Variants in DOCK3 observed in about 807,000 individuals in gnomAD.
DOCK3 encodes dedicator of cytokinesis protein 3.
Under a neutral mutation model 265.6 loss-of-function variants are expected in DOCK3, and 60 were observed. That is an observed-to-expected ratio of 0.23 (90% CI 0.18 to 0.28). The LOEUF is 0.28. Ranked by LOEUF, DOCK3 falls within the 10% of genes least tolerant of loss-of-function variation. DOCK3 has a pLI of 1.00. For missense variants in DOCK3, 1,981 were observed against 2,594.3 expected, an observed-to-expected ratio of 0.76 and a Z score of 5.14; for synonymous variants, 881 against 938.0, an observed-to-expected ratio of 0.94 and a Z score of 1.11.
intron 5 of DOCK3, among the ~76,000 whole-genome samples, chr3:51,040,100 T>C (rs1182941016): frequency 6.6e-6 from 1 of 152,102 alleles, no homozygotes; most frequent in Non-Finnish European, 1.5e-5. Context: ...CTATACCACC[T>C]ACTAATCAAT....
rs782084449 is a variant in DOCK3 at position 51,381,325 on chromosome 3, C to G, written c.5859C>G (p.Cys1953Trp). 1 of 1,613,468 alleles carries G rather than the reference C, an allele frequency of 6.2e-7. No homozygotes were observed. The highest frequency in any genetic ancestry group is 8.5e-7 in the Non-Finnish European group (1 of 1,179,896). The change falls in exon 53 of 53, where the codon TGC becomes TGG. Residue 1953 changes from cysteine to tryptophan, a missense_variant. By Grantham distance (215) the Cys-to-Trp change is radical (BLOSUM62 -2). Transcript: ENST00000266037. The surrounding 1 kb of genome is among the most constrained non-coding windows in gnomAD (Gnocchi z 5.6). ...AVLDSIKAQP[C>W]RSHSAPGCVI... ...TGGACTCCATCAAGGCCCAGCCATG[C>G]CGAAGCCACTCAGCCCCAGGGTGCG...
At chr3:50,938,213 A>C (rs1407673038) in intron 5 of DOCK3, among the ~76,000 whole-genome samples, 1 of 152,174 alleles carries the variant, frequency 6.6e-6, no homozygotes, top group Non-Finnish European at 1.5e-5. Flanking sequence ...AAATGATAGA[A>C]GGATCAGTTC....
chr3:50,976,156 G>T (rs2077443454), intron 5 of DOCK3, among the ~76,000 whole-genome samples: 1 of 128,648 alleles, frequency 7.8e-6, no homozygotes, highest in East Asian at 2.3e-4. Flanking sequence ...GTTCTGCTCT[G>T]ATTTTAGTTA....
chr3:50,717,211 T>C (rs1226818654), intron 1 of DOCK3, among the ~76,000 whole-genome samples: 1 of 152,256 alleles, frequency 6.6e-6, no homozygotes, highest in East Asian at 1.9e-4. Context: ...AGTGACCTTG[T>C]ATATACTTGC....
intron 3 of DOCK3, among the ~76,000 whole-genome samples, chr3:50,879,802 C>T (rs13071377): frequency 0.099 from 15,085 of 152,250 alleles, 919 homozygotes; most frequent in Non-Finnish European, 0.13. Context: ...CTAGAGAACT[C>T]TCCACACCAA....
At chr3:50,744,551 A>G (rs1365768765) in intron 1 of DOCK3, among the ~76,000 whole-genome samples, 1 of 151,594 alleles carries the variant, frequency 6.6e-6, no homozygotes, top group Non-Finnish European at 1.5e-5. Flanking sequence ...CCTCCACCTC[A>G]GTCTCCTAGG....
chr3:51,035,343 G>A (rs551738879), intron 5 of DOCK3, among the ~76,000 whole-genome samples: 11 of 151,880 alleles, frequency 7.2e-5, no homozygotes, highest in South Asian at 2.1e-4. Context: ...CAACTCTTTC[G>A]TCATTTTTAT....
At chr3:51,256,238 C>T (rs1353723047) in intron 22 of DOCK3, among the ~76,000 whole-genome samples, 2 of 152,176 alleles carry the variant, frequency 1.3e-5, no homozygotes, top group African/African-American at 4.8e-5. Context: ...TAGACTGGAG[C>T]TGTTCCTATT....
intron 21 of DOCK3, among the ~76,000 whole-genome samples, chr3:51,238,119 C>CTTTTTT (rs747331452): frequency 2.1e-5 from 1 of 47,486 alleles, no homozygotes; most frequent in South Asian, 1.0e-3. Context: ...ATATTTACCA[C>CTTTTTT]TTTTTTTTTT....
At chr3:50,860,960 A>G (rs1230056536) in intron 3 of DOCK3, among the ~76,000 whole-genome samples, 1 of 152,210 alleles carries the variant, frequency 6.6e-6, no homozygotes, top group African/African-American at 2.4e-5. Context: ...AAGCCCAAGT[A>G]TCTAGGGCTC....
chr3:51,293,699 CA>C (rs372191009), intron 27 of DOCK3, among the ~76,000 whole-genome samples: 96 of 152,196 alleles, frequency 6.3e-4, no homozygotes, highest in African/African-American at 2.2e-3. Flanking sequence ...AAAATATTTG[CA>C]AATTACATGT....
intron 39 of DOCK3, 73 bp from the exon 40 acceptor site, chr3:51,350,214 CA>C: frequency 7.7e-7 from 1 of 1,305,664 alleles, no homozygotes; most frequent in African/African-American, 1.5e-5. Context: ...AGACAGTGTC[CA>C]GTTGGGCCTG....
intron 35 of DOCK3, among the ~76,000 whole-genome samples, chr3:51,336,027 A>G (rs201535374): frequency 6.6e-6 from 1 of 151,970 alleles, no homozygotes; most frequent in African/African-American, 2.4e-5. Context: ...GAAAAAGAAA[A>G]TAGTTGTTGA....
chr3:50,814,190 G>C (rs564419212), intron 2 of DOCK3, among the ~76,000 whole-genome samples: 6 of 152,040 alleles, frequency 3.9e-5, no homozygotes, highest in Non-Finnish European at 8.8e-5. Flanking sequence ...GAATATCCTT[G>C]TTCATTCAGC....
At chr3:51,132,912 C>T (rs547203338) in intron 9 of DOCK3, among the ~76,000 whole-genome samples, 133 of 152,250 alleles carry the variant, frequency 8.7e-4, no homozygotes, top group African/African-American at 2.9e-3. Flanking sequence ...ATCCCCTCCC[C>T]GACCCAAGCT....
intron 1 of DOCK3, among the ~76,000 whole-genome samples, chr3:50,733,030 C>T (rs1245919511): frequency 6.6e-6 from 1 of 152,164 alleles, no homozygotes. Flanking sequence ...GATACTCCCA[C>T]CTTGGCCTCC....
chr3:51,280,045 A>G, intron 26 of DOCK3, 61 bp from the exon 27 acceptor site: 4 of 1,403,118 alleles, frequency 2.9e-6, no homozygotes, highest in Non-Finnish European at 4.0e-6. Context: ...CCCTCTATGG[A>G]TTGGGGGAAC....
At chr3:51,233,801 T>C (rs2078242394) in intron 19 of DOCK3, among the ~76,000 whole-genome samples, 1 of 152,234 alleles carries the variant, frequency 6.6e-6, no homozygotes, top group South Asian at 2.1e-4. Context: ...AGCTTGAACG[T>C]TGTTGGTGTA....
In DOCK3 at chr3:51,015,996, TATATATATCATATATTTCTACATA is replaced by T. The variant is rs2079186045; in HGVS notation, c.316-48427_316-48404del. On this transcript the variant is annotated intron_variant, in intron 5 of 52. Coordinates refer to ENST00000266037, the MANE Select transcript of DOCK3 (RefSeq NM_004947.5). ...ATATATATCATATATTTCTACATAA[TATATATATCATATATTTCTACATA>T]ATATATATCATATATTTCTACATAT... is the stretch of plus-strand genomic sequence containing the variant. Among the ~76,000 whole-genome samples, 11 of 13,184 alleles carry T rather than the reference TATATATATCATATATTTCTACATA, an allele frequency of 8.3e-4. 5 individuals are homozygous for T. Among genetic ancestry groups the T allele is most frequent in the Admixed American group, 2.3e-3 (2 of 884 alleles). 8.6% of individuals were successfully genotyped at this position (13,184 alleles called of 152,430 possible).
Sources: gnomAD v4.1 joint callset for allele counts (sites outside exome capture counted in the v4.1 genomes callset) on GRCh38, gnomAD v4.1.1 for gene constraint, Gnocchi (gnomAD v3.1) non-coding constraint, MANE v1.5 for transcripts, NCBI Gene and HGNC (gene_info 2026-07-23, HGNC 2026-07-21) for gene names.